MGAT4C: variants seen among roughly 807,000 people sequenced by gnomAD.
MGAT4C encodes the protein MGAT4 family member C.
Under a neutral mutation model 40.1 loss-of-function variants are expected in MGAT4C, and 19 were observed. The observed-to-expected ratio is 0.47, with a 90% CI of 0.33 to 0.70. MGAT4C has a LOEUF of 0.70. Among genes scored for constraint, MGAT4C ranks in the 30% least tolerant of loss-of-function variants. The pLI is 0.02. For synonymous variants in MGAT4C, 181 were observed against 187.1 expected (o/e 0.97, Z 0.27); for missense variants, 491 against 563.2 (o/e 0.87, Z 1.30).
chr12:86,299,996 A>C (rs1953771504), intron 4 of MGAT4C, among the ~76,000 whole-genome samples: 1 of 152,202 alleles, frequency 6.6e-6, no homozygotes, highest in Non-Finnish European at 1.5e-5. Flanking sequence ...TTTGCAGTAG[A>C]TTTAACTCAA....
chr12:86,067,623 G>T (rs1219054444), intron 1 of MGAT4C, among the ~76,000 whole-genome samples: 2 of 151,984 alleles, frequency 1.3e-5, no homozygotes, highest in Non-Finnish European at 2.9e-5. Flanking sequence ...GGGTTGATGG[G>T]TGCAGCAAAC....
Position 86,603,535 on chromosome 12 carries a change from T to C in MGAT4C, c.-229+123674A>G, listed in dbSNP as rs1346723676. ...TCTATAGTCTATAGACTATATATAG[T>C]CTATAGACTATAGATAATATATAGT... On this transcript the variant is annotated intron_variant, in intron 2 of 7. Transcript: ENST00000548651. 7.6e-3 allele frequency among the ~76,000 whole-genome samples: 28 copies of C among 3,678 alleles called. 2 individuals are homozygous for C. The East Asian group carries it at 0.48, about 63-fold the overall frequency. 2.4% of individuals were successfully genotyped at this position (3,678 alleles called of 152,430 possible). A position where few individuals can be genotyped will look rare whatever the true frequency, so the allele number is the denominator to read the frequency against.
chr12:86,582,584 A>G (rs1234569384), intron 2 of MGAT4C, among the ~76,000 whole-genome samples: 1 of 151,426 alleles, frequency 6.6e-6, no homozygotes, highest in Admixed American at 6.6e-5. Flanking sequence ...GGAATATTTT[A>G]ATTTTACTTT....
chr12:86,254,247 G>T (rs1416805732), intron 1 of MGAT4C, among the ~76,000 whole-genome samples: 1 of 151,874 alleles, frequency 6.6e-6, no homozygotes, highest in South Asian at 2.1e-4. Flanking sequence ...TTTGTGAAAT[G>T]AATGAAGTCC....
At chr12:86,494,021 C>G (rs943709508) in intron 2 of MGAT4C, among the ~76,000 whole-genome samples, 4 of 151,790 alleles carry the variant, frequency 2.6e-5, no homozygotes, top group African/African-American at 9.7e-5. Context: ...TATAACTATA[C>G]AATTGAAACA....
chr12:86,742,298 C>T (rs1228164861), intron 1 of MGAT4C, among the ~76,000 whole-genome samples: 1 of 151,418 alleles, frequency 6.6e-6, no homozygotes, highest in Non-Finnish European at 1.5e-5. Context: ...TCCTTTTTCT[C>T]AAGTGCTTGC....
chr12:86,713,065 A>T (rs772878953), intron 2 of MGAT4C, among the ~76,000 whole-genome samples: 1 of 150,158 alleles, frequency 6.7e-6, no homozygotes. Context: ...ATCGTTATGG[A>T]ATTGTTCCAC....
At chr12:86,532,500 A>G (rs1959001912) in intron 2 of MGAT4C, among the ~76,000 whole-genome samples, 1 of 152,058 alleles carries the variant, frequency 6.6e-6, no homozygotes, top group Admixed American at 6.6e-5. Context: ...AGCATAAATT[A>G]ATGCAGGTCA....
chr12:86,457,380 C>T (rs1957527266), intron 2 of MGAT4C, among the ~76,000 whole-genome samples: 2 of 151,918 alleles, frequency 1.3e-5, no homozygotes, highest in Admixed American at 1.3e-4. Context: ...GTAAAAAATA[C>T]ATATAAATGA....
rs147966181 is a variant in MGAT4C, at chr12:86,667,198, G to T, written c.-229+60011C>A. ...GAGGAGGAGGAAGTGTGAAGACTGAGAATAAAATCAGGTAGATTAACTAAG... is the reference window on the plus strand; with the variant it reads ...GAGGAGGAGGAAGTGTGAAGACTGATAATAAAATCAGGTAGATTAACTAAG... On this transcript the variant is annotated intron_variant, in intron 2 of 7. Transcript: ENST00000548651. 3.1e-3 allele frequency among the ~76,000 whole-genome samples: 465 copies of T among 152,190 alleles called. 2 individuals are homozygous for T. The highest frequency in any genetic ancestry group is 0.011 in the African/African-American group (442 of 41,516).
chr12:86,563,100 C>G (rs992391073), intron 2 of MGAT4C, among the ~76,000 whole-genome samples: 1 of 152,150 alleles, frequency 6.6e-6, no homozygotes, highest in African/African-American at 2.4e-5. Flanking sequence ...AAGACATACC[C>G]TTCACCAATA....
chr12:86,093,477 C>T (rs1438776711), intron 1 of MGAT4C, among the ~76,000 whole-genome samples: 1 of 151,912 alleles, frequency 6.6e-6, no homozygotes, highest in East Asian at 1.9e-4. Flanking sequence ...GCCTGTAATC[C>T]CAGCACTTTG....
chr12:86,374,168 G>A (rs541127424), intron 3 of MGAT4C, among the ~76,000 whole-genome samples: 1 of 152,176 alleles, frequency 6.6e-6, no homozygotes, highest in East Asian at 1.9e-4. Context: ...GATGTGTTTA[G>A]CTGTAGTGCA....
chr12:86,176,488 A>T (rs969079319), intron 1 of MGAT4C, among the ~76,000 whole-genome samples: 1 of 152,096 alleles, frequency 6.6e-6, no homozygotes, highest in Non-Finnish European at 1.5e-5. Flanking sequence ...TTTGCATACA[A>T]TTTTTGTGAG....
rs1028863231 is a variant in MGAT4C, at chr12:86,210,858, T to G, written c.-57+45381A>C. Among the ~76,000 whole-genome samples, 35 of 152,148 alleles carry G rather than the reference T, an allele frequency of 2.3e-4. 1 individual carries two copies. The highest frequency in any genetic ancestry group is 1.8e-3 in the Admixed American group (28 of 15,282). ...AAACCTGGCTCATTTATTTGACAGA[T>G]AGTTGATAACAGATTTCAGATCTTT... is the stretch of plus-strand genomic sequence containing the variant. On this transcript the variant is annotated intron_variant, in intron 1 of 4. Transcript: ENST00000611864.
chr12:86,372,438 T>G (rs1235290287), intron 3 of MGAT4C, among the ~76,000 whole-genome samples: 1 of 151,864 alleles, frequency 6.6e-6, no homozygotes, highest in African/African-American at 2.4e-5. Context: ...ATCACATAAT[T>G]CTATTGTTAC....
intron 1 of MGAT4C, among the ~76,000 whole-genome samples, chr12:86,140,820 TCTC>T (rs1193355654): frequency 2.0e-5 from 3 of 152,152 alleles, no homozygotes; most frequent in Non-Finnish European, 4.4e-5. Context: ...GAATGACTAA[TCTC>T]CTCAACACAT....
intron 1 of MGAT4C, among the ~76,000 whole-genome samples, chr12:86,098,904 T>C (rs1276198647): frequency 6.6e-6 from 1 of 151,562 alleles, no homozygotes; most frequent in African/African-American, 2.4e-5. Flanking sequence ...GACAATGTCA[T>C]GCCAACCTAA....
intron 4 of MGAT4C, among the ~76,000 whole-genome samples, chr12:86,272,183 A>C (rs968291969): frequency 3.9e-5 from 6 of 152,232 alleles, no homozygotes; most frequent in Non-Finnish European, 7.3e-5. Context: ...TACCTGTAAC[A>C]CAATTTCCCA....
Sources: gnomAD v4.1 joint callset for allele counts (sites outside exome capture counted in the v4.1 genomes callset) on GRCh38, gnomAD v4.1.1 for gene constraint, MANE v1.5 for transcripts, NCBI Gene and HGNC (gene_info 2026-07-23, HGNC 2026-07-21) for gene names.